The following PCDH11X variants were observed in gnomAD, a reference collection of about 807,000 sequenced individuals.
The protein encoded by PCDH11X is protocadherin 11 X-linked.
Under a neutral mutation model 53.3 loss-of-function variants are expected in PCDH11X, and 18 were observed. The ratio of observed to expected loss-of-function variants is 0.34; its 90% CI spans 0.23 to 0.50. The LOEUF (loss-of-function observed/expected upper bound fraction) is 0.50. PCDH11X is among the 20% of genes least tolerant of loss of function. The pLI, the probability that PCDH11X is intolerant of heterozygous loss-of-function variation, is 0.98. For missense variants in PCDH11X, 570 were observed against 1,032.4 expected (o/e 0.55, Z 6.14); for synonymous variants, 279 against 393.3 (o/e 0.71, Z 3.44).
At chrX:92,443,364 G>A (rs1429800261) in intron 9 of PCDH11X, among the ~76,000 whole-genome samples, 1 of 111,186 alleles carries the variant, frequency 9.0e-6, no homozygotes, top group East Asian at 2.8e-4. Context: ...TTTGCTTGTT[G>A]ATTTGTTTGA....
intron 6 of PCDH11X, among the ~76,000 whole-genome samples, chrX:91,940,161 T>A (rs1392440052): frequency 9.1e-6 from 1 of 110,302 alleles, no homozygotes; most frequent in East Asian, 2.9e-4. Flanking sequence ...ATGCAGCACT[T>A]CCCCCATGCC....
At chrX:92,176,113 A>C (rs767859133) in intron 6 of PCDH11X, among the ~76,000 whole-genome samples, 3 of 111,068 alleles carry the variant, frequency 2.7e-5, no homozygotes, top group African/African-American at 6.6e-5. Flanking sequence ...AGCAGAGTGA[A>C]CGAGAGCAAC....
intron 6 of PCDH11X, among the ~76,000 whole-genome samples, chrX:92,047,751 T>A (rs1214473063): frequency 9.3e-6 from 1 of 107,048 alleles, no homozygotes. Context: ...TACAGAGGCA[T>A]ATTTTTGGAA....
chrX:92,604,152 G>T (rs1926538404), intron 10 of PCDH11X, among the ~76,000 whole-genome samples: 1 of 108,703 alleles, frequency 9.2e-6, no homozygotes, highest in Admixed American at 9.9e-5. Context: ...CACAGGAAAA[G>T]AAATAAAAGA....
chrX:92,257,969 C>G (rs756834318), intron 7 of PCDH11X, among the ~76,000 whole-genome samples: 1 of 112,335 alleles, frequency 8.9e-6, no homozygotes, highest in East Asian at 2.8e-4. Context: ...GAGGGCTCCA[C>G]CCCTGGAGCA....
intron 6 of PCDH11X, among the ~76,000 whole-genome samples, chrX:91,976,635 A>T (rs755431773): frequency 5.4e-5 from 6 of 111,644 alleles, no homozygotes; most frequent in African/African-American, 2.0e-4. Context: ...TGCAGATTAT[A>T]TTGGTCTTCT....
intron 6 of PCDH11X, among the ~76,000 whole-genome samples, chrX:92,137,630 A>G (rs1047501714): frequency 1.8e-5 from 2 of 110,709 alleles, no homozygotes; most frequent in Admixed American, 2.0e-4. Context: ...ACTACAATTA[A>G]TTTTAAAATA....
intron 8 of PCDH11X, among the ~76,000 whole-genome samples, chrX:92,368,706 T>C (rs1461895576): frequency 9.0e-6 from 1 of 110,925 alleles, no homozygotes; most frequent in Non-Finnish European, 1.9e-5. Flanking sequence ...ATGTTGATTT[T>C]GATGTTGTTG....
chrX:91,998,545 C>G (rs1468267245), intron 6 of PCDH11X, among the ~76,000 whole-genome samples: 2 of 108,080 alleles, frequency 1.9e-5, no homozygotes, highest in Non-Finnish European at 3.8e-5. Flanking sequence ...TTGACTCTAT[C>G]AATCATCTTT....
At chrX:91,928,399 T>G (rs1942019078) in intron 6 of PCDH11X, among the ~76,000 whole-genome samples, 1 of 103,628 alleles carries the variant, frequency 9.6e-6, no homozygotes, top group Non-Finnish European at 2.0e-5. Flanking sequence ...CTGATTAAAT[T>G]TATTAGGCAT....
chrX:91,855,482 T>A (rs927703781), intron 5 of PCDH11X, among the ~76,000 whole-genome samples: 1 of 108,526 alleles, frequency 9.2e-6, no homozygotes, highest in African/African-American at 3.6e-5. Flanking sequence ...CTATACTGGG[T>A]TTTTTGTGTG....
chrX:91,920,146 G>A, intron 6 of PCDH11X, among the ~76,000 whole-genome samples: 1 of 111,743 alleles, frequency 8.9e-6, no homozygotes, highest in Non-Finnish European at 1.9e-5. Context: ...AATTTCATTA[G>A]TGGGACTTTT....
chrX:92,253,514 G>T (rs1488573134), intron 7 of PCDH11X, among the ~76,000 whole-genome samples: 1 of 111,762 alleles, frequency 8.9e-6, no homozygotes, highest in Non-Finnish European at 1.9e-5. Flanking sequence ...CATTGAATCT[G>T]TAGACTGCTG....
Position 92,227,670 on chromosome X carries a change from T to C in PCDH11X, c.3114+26215T>C, listed in dbSNP as rs144153228. ...TATTTTCCTTAGGGACAGAAACAGATTTGTAAGTTTTTGTGGGTTTTAACG... is the reference window on the plus strand; with the variant it reads ...TATTTTCCTTAGGGACAGAAACAGACTTGTAAGTTTTTGTGGGTTTTAACG... On this transcript the variant is annotated intron_variant, in intron 7 of 10. Transcript: ENST00000682573. Among the ~76,000 whole-genome samples the C allele has an allele frequency of 5.6e-3, 619 of 111,422 alleles. 4 individuals are homozygous for C. Among genetic ancestry groups the C allele is most frequent in the African/African-American group, 0.019 (582 of 30,741 alleles).
At chrX:92,475,057 C>T (rs1603339512) in intron 10 of PCDH11X, among the ~76,000 whole-genome samples, 2 of 97,512 alleles carry the variant, frequency 2.1e-5, no homozygotes, top group East Asian at 3.6e-4. Context: ...CCCAGCTACT[C>T]GGGAGGCTGA....
chrX:91,842,255 T>C (rs1395820284), intron 5 of PCDH11X, among the ~76,000 whole-genome samples: 1 of 111,082 alleles, frequency 9.0e-6, no homozygotes, highest in Non-Finnish European at 1.9e-5. Flanking sequence ...TTTTAGCAGA[T>C]TGTTGTTCAA....
At chrX:92,326,639 T>TATATATATATATATATAG (rs758088746) in intron 8 of PCDH11X, among the ~76,000 whole-genome samples, 2 of 39,305 alleles carry the variant, frequency 5.1e-5, no homozygotes, top group Admixed American at 4.2e-4. Flanking sequence ...TATATATATA[T>TATATATATATATATATAG]AGAGAGAGAG....
At chrX:92,198,662 T>C (rs1409460540) in intron 6 of PCDH11X, among the ~76,000 whole-genome samples, 1 of 110,997 alleles carries the variant, frequency 9.0e-6, no homozygotes, top group African/African-American at 3.3e-5. Context: ...TTTTGGGAAG[T>C]GAATTTTATT....
intron 6 of PCDH11X, among the ~76,000 whole-genome samples, chrX:92,182,020 G>A (rs987987674): frequency 8.9e-6 from 1 of 111,881 alleles, no homozygotes; most frequent in African/African-American, 3.3e-5. Flanking sequence ...CTGACAGCTT[G>A]CACTGTGTAC....
Sources: gnomAD v4.1 joint callset for allele counts (sites outside exome capture counted in the v4.1 genomes callset) on GRCh38, gnomAD v4.1.1 for gene constraint, MANE v1.5 for transcripts, NCBI Gene and HGNC (gene_info 2026-07-23, HGNC 2026-07-21) for gene names.